Variants in NSD1 observed in about 807,000 individuals in gnomAD.
NSD1 encodes nuclear receptor binding SET domain protein 1.
A neutral mutation model predicts 242.7 loss-of-function variants in NSD1; 26 were observed. That is an observed-to-expected ratio of 0.11 (90% CI 0.08 to 0.15). The LOEUF is 0.15. NSD1 is among the 10% of genes least tolerant of loss of function. The pLI is 1.00. For synonymous variants in NSD1, 1,106 were observed against 1,178.1 expected (o/e 0.94, Z 1.25); for missense variants, 2,495 against 3,272.8 (o/e 0.76, Z 5.80).
intron 5 of NSD1, among the ~76,000 whole-genome samples, chr5:177,212,488 T>TC (rs1491350494): frequency 3.8e-4 from 13 of 33,968 alleles, no homozygotes; most frequent in South Asian, 1.4e-3. Flanking sequence ...TCTCTCTCTC[T>TC]TTTTTTTTTT....
At chr5:177,222,819 A>G (rs1764342572) in intron 5 of NSD1, among the ~76,000 whole-genome samples, 1 of 151,840 alleles carries the variant, frequency 6.6e-6, no homozygotes, top group Non-Finnish European at 1.5e-5. Flanking sequence ...TTCTCCTCTT[A>G]TTTGGGTTGT....
In NSD1 at chr5:177,211,833, A is replaced by G. The variant is rs1476341392; in HGVS notation, c.3434A>G (p.Asn1145Ser). 8.7e-6 allele frequency: 14 copies of G among 1,614,214 alleles called. No homozygotes were observed. The highest frequency in any genetic ancestry group is 1.2e-5 in the Non-Finnish European group (14 of 1,180,032). ...PELDSVMNSE[N>S]DELNGVNQVV... ...CTGGACTCTGTAATGAACAGTGAGA[A>G]TGATGAACTCAATGGTGTAAATCAA... Residue 1145 changes from asparagine (N) to serine (S), a missense_variant, in exon 5 of 23, where the codon AAT becomes AGT. Physicochemically the swap from Asn to Ser is conservative, Grantham distance 46. Around this residue, in one of 19 missense-constraint regions of NSD1, gnomAD observed 426 missense variants for 411.4 expected, o/e 1.04. Transcript: ENST00000439151.
At position 177,147,321 on chromosome 5, in the gene NSD1, C is replaced by T. The variant is rs575977294; in HGVS notation, c.927+11291C>T. Among the ~76,000 whole-genome samples, 18 of 152,138 alleles carry T rather than the reference C, an allele frequency of 1.2e-4. No homozygotes were observed. In the South Asian group the frequency reaches 3.1e-3, roughly 26 times the overall value. ...GGGGTTTTACCATGTTGCTCAAGCT[C>T]GTCTTGAACTCGTGAGCTCAAGCAA... On this transcript the variant is annotated intron_variant, in intron 2 of 22. Coordinates refer to ENST00000439151, the MANE Select transcript of NSD1 (RefSeq NM_022455.5).
chr5:177,144,566 G>A (rs1446050773), intron 2 of NSD1, among the ~76,000 whole-genome samples: 1 of 152,092 alleles, frequency 6.6e-6, no homozygotes, highest in African/African-American at 2.4e-5. Context: ...GTTAAGTGGT[G>A]TAAGTTTATT....
intron 20 of NSD1, among the ~76,000 whole-genome samples, chr5:177,284,715 C>CA (rs1239357656): frequency 1.3e-5 from 2 of 152,232 alleles, no homozygotes; most frequent in Admixed American, 1.3e-4. Context: ...TCTCCTTTCT[C>CA]ACCTTCCTGA....
rs377148087 is a variant in NSD1, at chr5:177,211,532, C to T, written c.3133C>T (p.Arg1045Cys). 4.8e-5 allele frequency: 78 copies of T among 1,613,898 alleles called. No individual in the cohort carries two copies. The highest frequency in any genetic ancestry group is 1.3e-4 in the East Asian group (6 of 44,900). ...CCAAATGGTAAAGAACACAGTGAAC[C>T]GTAAAGCCTTAAAGACCGAGCGCAA... is the stretch of plus-strand genomic sequence containing the variant. Reference protein sequence around the residue: ...SAQMVKNTVNRKALKTERKRK... With the variant: ...SAQMVKNTVNCKALKTERKRK... The change falls in exon 5 of 23, where the codon CGT (arginine) becomes TGT (cysteine). Residue 1045 changes from arginine (R) to cysteine (C), a missense_variant. Around this residue, in one of 19 missense-constraint regions of NSD1, gnomAD observed 426 missense variants for 411.4 expected, o/e 1.04. Transcript: ENST00000439151.
intron 2 of NSD1, among the ~76,000 whole-genome samples, chr5:177,170,994 T>C (rs1257383978): frequency 6.6e-6 from 1 of 151,018 alleles, no homozygotes. Flanking sequence ...AATGAAACCT[T>C]CTTGCTTGAT....
chr5:177,253,284 T>G (rs1756156748), intron 12 of NSD1, among the ~76,000 whole-genome samples: 1 of 152,218 alleles, frequency 6.6e-6, no homozygotes, highest in Non-Finnish European at 1.5e-5. Context: ...AAAAATCATT[T>G]TGAGTGTGTA....
chr5:177,133,936 A>G lies in NSD1; in HGVS notation c.-34A>G, dbSNP rs1399906214. 3 of 113,210 alleles carry G rather than the reference A, an allele frequency of 2.6e-5. No homozygotes were observed. Among genetic ancestry groups the G allele is most frequent in the Admixed American group, 8.6e-5 (1 of 11,588 alleles). The allele number at this position is 113,210 out of a possible 1,614,324, so 7.0% of individuals were successfully genotyped here. On this transcript the variant is annotated 5_prime_UTR_variant, in exon 1 of 23. Coordinates refer to ENST00000439151, the MANE Select transcript of NSD1 (RefSeq NM_022455.5). The surrounding 1 kb of genome is among the most constrained non-coding windows in gnomAD (Gnocchi z 6.2). ...ACCCCCTCCCCCCAGCTGGCCCGGG[A>G]GGGGGCGCGGGGCACGGTAACTAGT...
chr5:177,143,934 C>T (rs1005485739), intron 2 of NSD1, among the ~76,000 whole-genome samples: 4 of 151,846 alleles, frequency 2.6e-5, no homozygotes, highest in South Asian at 2.1e-4. Context: ...TATAGGCATG[C>T]GCCACCATGC....
At chr5:177,220,999 G>A (rs1236705359) in intron 5 of NSD1, 3 of 454,354 alleles carry the variant, frequency 6.6e-6, no homozygotes, top group African/African-American at 4.0e-5. Context: ...GAGTAGCTGG[G>A]GCTACAGGTG....
chr5:177,134,971 A>G lies in NSD1; in HGVS notation c.-17-116A>G, dbSNP rs964906938. 5.6e-6 allele frequency: 5 copies of G among 885,838 alleles called. No homozygotes were observed. The highest frequency in any genetic ancestry group is 9.0e-6 in the Non-Finnish European group (5 of 556,036). 54.9% of individuals were successfully genotyped at this position (885,838 alleles called of 1,614,324 possible). Reference sequence around the variant, plus strand: ...CCAGTCGGGGGAACTTTTTCTGCCCATGGAAGTGCAGCAGAAAGGCATAGA... The same window carrying G: ...CCAGTCGGGGGAACTTTTTCTGCCCGTGGAAGTGCAGCAGAAAGGCATAGA... On this transcript the variant is annotated intron_variant, in intron 1 of 22. Transcript: ENST00000439151. This position sits in a 1 kb window ranked among gnomAD's most constrained non-coding sequence, Gnocchi z 4.2.
chr5:177,267,756 C>T (rs377160282), intron 15 of NSD1, 38 bp downstream of exon 15: 17 of 1,603,196 alleles, frequency 1.1e-5, no homozygotes, highest in Non-Finnish European at 1.5e-5. Context: ...TTTTACCATC[C>T]TCTGTTTCTT....
At chr5:177,271,322 CATA>C (rs971889305) in intron 16 of NSD1, among the ~76,000 whole-genome samples, 2 of 152,200 alleles carry the variant, frequency 1.3e-5, no homozygotes, top group Admixed American at 6.5e-5. Flanking sequence ...AGGAATGAAT[CATA>C]ATAATAATAG....
chr5:177,148,064 T>C (rs574794392), intron 2 of NSD1, among the ~76,000 whole-genome samples: 1 of 152,238 alleles, frequency 6.6e-6, no homozygotes, highest in South Asian at 2.1e-4. Context: ...TTTTCACTTC[T>C]CTGGGATAAA....
rs563697762 is a variant in NSD1 at position 177,167,535 on chromosome 5, C to CA, written c.928-24336dup. On this transcript the variant is annotated intron_variant, in intron 2 of 22. Coordinates refer to ENST00000439151, the MANE Select transcript of NSD1 (RefSeq NM_022455.5). ...GGGCAACAAGAGCAAAACTCTATCT[C>CA]AAAAAAAAAAAAATATATTTGTGAG... 1.0e-2 allele frequency among the ~76,000 whole-genome samples: 1,426 copies of CA among 143,100 alleles called. 16 individuals are homozygous for CA. Among genetic ancestry groups the CA allele is most frequent in the African/African-American group, 0.029 (1,120 of 39,126 alleles). The allele number at this position is 143,100 out of a possible 152,430, so 93.9% of individuals were successfully genotyped here.
At position 177,135,443 on chromosome 5, in the gene NSD1, A is replaced by G. The variant is rs749444972; in HGVS notation, c.340A>G (p.Thr114Ala). Reference protein sequence around the residue: ...DSRAQTPIVCTSLSPGGPTAL... With the variant: ...DSRAQTPIVCASLSPGGPTAL... ...AAGAGCTCAGACGCCAATTGTTTGC[A>G]CTTCCTTGAGTCCTGGTGGTCCTAC... The change falls in exon 2 of 23, where the codon ACT becomes GCT. Residue 114 changes from threonine (T) to alanine (A), a missense_variant. Physicochemically the swap from Thr to Ala is moderately conservative, Grantham distance 58 (BLOSUM62 0). This residue lies in a region of NSD1 where 376 missense variants were observed against 367.4 expected (regional missense o/e 1.02). Coordinates refer to ENST00000439151, the MANE Select transcript of NSD1 (RefSeq NM_022455.5). 20 of 1,614,048 alleles carry G rather than the reference A, an allele frequency of 1.2e-5. No homozygotes were observed. In the Admixed American group the frequency reaches 3.2e-4, roughly 26 times the overall value.
intron 2 of NSD1, among the ~76,000 whole-genome samples, chr5:177,138,110 C>CA (rs1278616067): frequency 2.0e-5 from 3 of 150,214 alleles, no homozygotes; most frequent in African/African-American, 4.9e-5. Context: ...AACAAACAAA[C>CA]AAACAAAAAA....
At chr5:177,288,722 T>G (rs1252529815) in intron 20 of NSD1, 97 bp from the exon 21 acceptor site, 1 of 866,330 alleles carries the variant, frequency 1.2e-6, no homozygotes, top group East Asian at 2.5e-5. Flanking sequence ...TTTTTAAAAT[T>G]AATCTGTTCT....
Sources: gnomAD v4.1 joint callset for allele counts (sites outside exome capture counted in the v4.1 genomes callset) on GRCh38, gnomAD v4.1.1 for gene constraint, gnomAD v4.1.1 regional missense constraint, Gnocchi (gnomAD v3.1) non-coding constraint, MANE v1.5 for transcripts, NCBI Gene and HGNC (gene_info 2026-07-23, HGNC 2026-07-21) for gene names.